The following CLSPN variants were observed in gnomAD, a reference collection of about 807,000 sequenced individuals.
CLSPN encodes the protein claspin homolog.
In CLSPN, 85 loss-of-function variants were observed where a neutral mutation model predicts 156.3. The observed-to-expected ratio is 0.54, with a 90% CI of 0.46 to 0.65. The LOEUF (loss-of-function observed/expected upper bound fraction) is 0.65, where lower values mean the gene tolerates loss of function less well. Among genes scored for constraint, CLSPN ranks in the 30% least tolerant of loss-of-function variants. CLSPN has a pLI of 0.00. For missense variants in CLSPN, 1,407 were observed against 1,554.9 expected (o/e 0.90, Z 1.60); for synonymous variants, 534 against 542.4 (o/e 0.98, Z 0.22).
In CLSPN at chr1:35,736,563, T is replaced by G. The variant is rs1338750775; in HGVS notation, c.3953A>C (p.Lys1318Thr). 1 of 1,612,790 alleles carries G rather than the reference T, an allele frequency of 6.2e-7. No individual in the cohort carries two copies. The highest frequency in any genetic ancestry group is 8.5e-7 in the Non-Finnish European group (1 of 1,179,576). The stretch of plus-strand genomic sequence containing the variant: ...AGTGCTATCATCTGTTTTGAGGTGC[T>G]TAGGTGAAGGAGAAGTCATGAAAGA... ...GPSFMTSPSP[K>T]HLKTDDSTSG... The change falls in exon 25 of 25, where the codon AAG becomes ACG. Residue 1318 changes from lysine (K) to threonine (T), a missense_variant. Lys to Thr is a moderately conservative substitution (Grantham distance 78). This residue lies in a region of CLSPN where 241 missense variants were observed against 240.5 expected (regional missense o/e 1.00). Transcript: ENST00000318121.
chr1:35,731,199 C>CA (rs78926364), downstream of CLSPN, among the ~76,000 whole-genome samples: 2,041 of 80,256 alleles, frequency 0.025, 22 homozygotes, highest in African/African-American at 0.056. Context: ...GACTCTGTCT[C>CA]AAAAAAAAAA....
At chr1:35,724,597 T>C (rs1641138489) in intron 24 of CLSPN, among the ~76,000 whole-genome samples, 1 of 152,238 alleles carries the variant, frequency 6.6e-6, no homozygotes, top group Admixed American at 6.5e-5. Flanking sequence ...ATCTGTCAAC[T>C]TCCCCACATG....
chr1:35,760,184 T>C (rs1028481326), intron 8 of CLSPN, among the ~76,000 whole-genome samples, 158 bp downstream of exon 8: 1 of 152,152 alleles, frequency 6.6e-6, no homozygotes, highest in Non-Finnish European at 1.5e-5. Context: ...CCTGCCAAAT[T>C]TCTCTAAAAA....
In CLSPN at chr1:35,735,150, A is replaced by C. The variant is rs1262831871; in HGVS notation, c.*1346T>G. The stretch of plus-strand genomic sequence containing the variant: ...AGATCTTTGAACAACAGTGCTTCAA[A>C]TTGAGAATTCAGTCCCAGGAAGGGT... On this transcript the variant is annotated 3_prime_UTR_variant, in exon 25 of 25. Transcript: ENST00000318121. The C allele has an allele frequency of 2.0e-6, 2 of 985,304 alleles. No individual in the cohort carries two copies. Among genetic ancestry groups the C allele is most frequent in the Non-Finnish European group, 2.4e-6 (2 of 829,926 alleles). 61.0% of individuals were successfully genotyped at this position (985,304 alleles called of 1,614,324 possible).
At position 35,738,113 on chromosome 1, in the gene CLSPN, A is replaced by AAAAAATAT; in HGVS notation, c.3559-17_3559-16insATATTTTT. ...CCTGCTGTGCCTGAAAAAAAAAAAA[A>AAAAAATAT]ATATATATATATATATATATATATA... On this transcript the variant is annotated splice_polypyrimidine_tract_variant and intron_variant, in intron 21 of 24. Coordinates refer to ENST00000318121, the MANE Select transcript of CLSPN (RefSeq NM_022111.4). 3 of 362,622 alleles carry AAAAAATAT rather than the reference A, an allele frequency of 8.3e-6. No homozygotes were observed. The highest frequency in any genetic ancestry group is 1.1e-5 in the Non-Finnish European group (3 of 271,576). 22.5% of individuals were successfully genotyped at this position (362,622 alleles called of 1,614,324 possible).
intron 12 of CLSPN, 54 bp from the exon 13 acceptor site, chr1:35,748,658 T>C (rs944320463): frequency 2.7e-6 from 4 of 1,481,900 alleles, no homozygotes; most frequent in Non-Finnish European, 3.8e-6. Context: ...AAGGTGGATT[T>C]GTTTAGGAAA....
chr1:35,757,003 C>T (rs1023294462), intron 8 of CLSPN, among the ~76,000 whole-genome samples: 10 of 152,178 alleles, frequency 6.6e-5, no homozygotes, highest in Non-Finnish European at 8.8e-5. Flanking sequence ...TCCTTGCTAT[C>T]TTCACTTCAG....
intron 20 of CLSPN, 143 bp from the exon 21 acceptor site, chr1:35,738,725 T>C (rs1641574246): frequency 5.2e-6 from 4 of 769,998 alleles, no homozygotes; most frequent in South Asian, 3.9e-5. Context: ...TACAACTAGG[T>C]CTTCACATAG....
chr1:35,768,229 G>A (rs1031869786), intron 1 of CLSPN, among the ~76,000 whole-genome samples: 4 of 152,042 alleles, frequency 2.6e-5, no homozygotes, highest in African/African-American at 4.8e-5. Flanking sequence ...TTAGCTGGGC[G>A]TGGTGGTGTG....
downstream of CLSPN, chr1:35,732,107 G>A (rs1483184681): frequency 1.0e-6 from 1 of 959,788 alleles, no homozygotes; most frequent in Non-Finnish European, 1.2e-6. Flanking sequence ...TATAAACAGA[G>A]GCTCTGAAAG....
intron 24 of CLSPN, among the ~76,000 whole-genome samples, chr1:35,724,064 T>C (rs1641128350): frequency 6.6e-6 from 1 of 152,050 alleles, no homozygotes; most frequent in Admixed American, 6.6e-5. Context: ...GAGGCAAAAG[T>C]AGTAAGCCCA....
chr1:35,724,002 A>G (rs1641127023), intron 24 of CLSPN, among the ~76,000 whole-genome samples: 1 of 152,220 alleles, frequency 6.6e-6, no homozygotes, highest in South Asian at 2.1e-4. Flanking sequence ...AAGAAAAGGA[A>G]TAGACAGAAG....
Position 35,751,282 on chromosome 1 carries a change from C to A in CLSPN, c.1996G>T (p.Glu666Ter). 6.3e-7 allele frequency: 1 copy of A among 1,593,636 alleles called. No individual in the cohort carries two copies. Among genetic ancestry groups the A allele is most frequent in the South Asian group, 1.1e-5 (1 of 90,768 alleles). ...EEELEEEEEK[E>*]EEEEEEGNQE... ...TTTCCTTCTTCTTCCTCCTCCTCTTCTTTCTCCTCCTCTTCCTCTAGTTCT... is the reference window on the plus strand; with the variant it reads ...TTTCCTTCTTCTTCCTCCTCCTCTTATTTCTCCTCCTCTTCCTCTAGTTCT... The change falls in exon 10 of 25, where the codon GAA becomes TAA. Residue 666 changes from glutamate to a stop codon, truncating the protein, a stop_gained. Transcript: ENST00000318121. LOFTEE classifies it high-confidence loss of function.
chr1:35,748,494 G>A lies in CLSPN; in HGVS notation c.2383C>T (p.Arg795Cys), dbSNP rs375491971. The A allele has an allele frequency of 2.4e-5, 39 of 1,614,104 alleles. No individual in the cohort carries two copies. The highest frequency in any genetic ancestry group is 1.1e-4 in the East Asian group (5 of 44,884). Residue 795 changes from arginine (R) to cysteine (C), a missense_variant, in exon 13 of 25, where the codon CGT (arginine) becomes TGT (cysteine). Physicochemically the swap from Arg to Cys is radical, Grantham distance 180 (BLOSUM62 -3). Transcript: ENST00000318121. ...SYQPCNRQTGRGTSFFPTAGG... is the reference protein window; with the variant it reads ...SYQPCNRQTGCGTSFFPTAGG... ...GCTGTAGGGAAAAAACTGGTCCCAC[G>A]GCCTGTTTGTCTGTTGCAAGGCTGA... is the stretch of plus-strand genomic sequence containing the variant.
chr1:35,766,989 C>T (rs1353257752), intron 1 of CLSPN, among the ~76,000 whole-genome samples: 2 of 152,062 alleles, frequency 1.3e-5, no homozygotes, highest in Admixed American at 6.6e-5. Context: ...TCAGGTGATC[C>T]GCCTGCCTCA....
Position 35,743,140 on chromosome 1 carries a change from C to T in CLSPN, c.3143+1G>A, listed in dbSNP as rs72902906. The T allele has an allele frequency of 2.1e-4, 345 of 1,611,400 alleles. 1 individual carries two copies. The African/African-American group carries it at 4.1e-3, about 19-fold the overall frequency. On this transcript the variant is annotated splice_donor_variant, in intron 18 of 24. Coordinates refer to ENST00000318121, the MANE Select transcript of CLSPN (RefSeq NM_022111.4). LOFTEE classifies it high-confidence loss of function. Reference sequence around the variant, plus strand: ...GGAATGGACATATTAATAACACGTACATTTGCCTTTTCAACTTCTCAGATC... The same window carrying T: ...GGAATGGACATATTAATAACACGTATATTTGCCTTTTCAACTTCTCAGATC...
At chr1:35,760,048 A>G (rs1227176124) in intron 8 of CLSPN, among the ~76,000 whole-genome samples, 2 of 152,148 alleles carry the variant, frequency 1.3e-5, no homozygotes, top group East Asian at 1.9e-4. Context: ...TGGCCAGGCT[A>G]GTCTCAAACT....
At chr1:35,740,565 CG>C (rs1029223136) in intron 18 of CLSPN, among the ~76,000 whole-genome samples, 1 of 151,862 alleles carries the variant, frequency 6.6e-6, no homozygotes, top group African/African-American at 2.4e-5. Flanking sequence ...ATTACAGGTG[CG>C]TGCCACCATG....
downstream of CLSPN, among the ~76,000 whole-genome samples, chr1:35,727,843 G>GA (rs1641229119): frequency 6.6e-6 from 1 of 152,038 alleles, no homozygotes; most frequent in Admixed American, 6.6e-5. Flanking sequence ...ATGACACTTT[G>GA]AAAAAAATGC....
Sources: allele counts gnomAD v4.1 joint callset (sites outside exome capture counted in the v4.1 genomes callset), GRCh38; gene constraint gnomAD v4.1.1; regional missense constraint gnomAD v4.1.1; transcripts MANE v1.5; gene names NCBI Gene and HGNC (gene_info 2026-07-23, HGNC 2026-07-21).